The following CHRM5 variants were observed in gnomAD, a reference collection of about 807,000 sequenced individuals.
CHRM5 encodes muscarinic acetylcholine receptor M5.
A neutral mutation model predicts 39.0 loss-of-function variants in CHRM5; 18 were observed. The observed-to-expected ratio is 0.46, with a 90% confidence interval of 0.32 to 0.68. The LOEUF (loss-of-function observed/expected upper bound fraction) is 0.68. Ranked by LOEUF, CHRM5 falls within the 30% of genes least tolerant of loss-of-function variation. The pLI, the probability that CHRM5 is intolerant of heterozygous loss-of-function variation, is 0.04. For synonymous variants in CHRM5, 241 were observed against 246.3 expected (o/e 0.98, Z 0.20); for missense variants, 515 against 651.1 (o/e 0.79, Z 2.28).
intron 1 of CHRM5, among the ~76,000 whole-genome samples, chr15:34,021,184 T>C (rs1304227679): frequency 6.6e-6 from 1 of 152,182 alleles, no homozygotes; most frequent in Non-Finnish European, 1.5e-5. Context: ...AAATTGCATC[T>C]TTTTCTTTTT....
rs1896180658 is a variant in CHRM5 at position 33,982,165 on chromosome 15, CA to C, written c.-408+13016del. ...TACAGGCATGAACCACCACACCCAG[CA>C]CTAAATAAGAGTTATTTTAACACAT... is the stretch of plus-strand genomic sequence containing the variant. On this transcript the variant is annotated intron_variant, in intron 1 of 2. Coordinates refer to ENST00000383263, the MANE Select transcript of CHRM5 (RefSeq NM_012125.4). 3.9e-5 allele frequency among the ~76,000 whole-genome samples: 6 copies of C among 152,244 alleles called. No individual in the cohort carries two copies. The South Asian group carries it at 1.2e-3, about 32-fold the overall frequency.
chr15:34,032,337 T>A (rs1180847028), intron 1 of CHRM5, among the ~76,000 whole-genome samples: 1 of 152,140 alleles, frequency 6.6e-6, no homozygotes, highest in African/African-American at 2.4e-5. Context: ...ATCACTACTT[T>A]TTCTGGAAAA....
At chr15:34,007,157 C>A in intron 1 of CHRM5, 1 of 468,230 alleles carries the variant, frequency 2.1e-6, no homozygotes, top group Non-Finnish European at 2.8e-6. Context: ...TTATCTTGTC[C>A]AATGACACAC....
At chr15:34,044,096 GA>G (rs769916088) in intron 1 of CHRM5, among the ~76,000 whole-genome samples, 2,761 of 129,034 alleles carry the variant, frequency 0.021, 74 homozygotes, top group African/African-American at 0.07. Flanking sequence ...TAAAAAAAAT[GA>G]AAAAAAAAAA....
chr15:34,016,031 C>T (rs527511485), intron 1 of CHRM5, among the ~76,000 whole-genome samples: 3 of 152,298 alleles, frequency 2.0e-5, no homozygotes, highest in African/African-American at 7.2e-5. Context: ...AATCCCAGCA[C>T]TTTGGGAGGC....
In CHRM5 at chr15:34,058,730, C is replaced by T. The variant is rs1900240934; in HGVS notation, c.-75-3913C>T. Among the ~76,000 whole-genome samples the T allele has an allele frequency of 2.0e-5, 3 of 152,150 alleles. No homozygotes were observed. The South Asian group carries it at 6.2e-4, about 32-fold the overall frequency. On this transcript the variant is annotated intron_variant, in intron 2 of 2. Transcript: ENST00000383263. ...TAAAGCCAAATTCTTCTGGTCAGCT[C>T]ATCAGAACATTTATTTCACAAAATG...
chr15:34,035,982 GA>G (rs1220780749), intron 1 of CHRM5, among the ~76,000 whole-genome samples: 3 of 152,032 alleles, frequency 2.0e-5, no homozygotes, highest in African/African-American at 7.3e-5. Context: ...TTTTTATAGA[GA>G]GGGGGTCTCG....
At chr15:34,042,459 G>A (rs1238490474) in intron 1 of CHRM5, among the ~76,000 whole-genome samples, 1 of 140,466 alleles carries the variant, frequency 7.1e-6, no homozygotes, top group East Asian at 2.2e-4. Flanking sequence ...GGAGTACAAT[G>A]GCGCAATCTC....
At chr15:33,974,632 G>A (rs115608649) in intron 1 of CHRM5, among the ~76,000 whole-genome samples, 2,213 of 152,266 alleles carry the variant, frequency 0.015, 53 homozygotes, top group African/African-American at 0.05. Flanking sequence ...GCATGTGTAC[G>A]TCCTCACAGA....
chr15:34,057,303 AT>A (rs59628367), intron 2 of CHRM5, among the ~76,000 whole-genome samples: 8 of 147,246 alleles, frequency 5.4e-5, no homozygotes, highest in African/African-American at 1.5e-4. Flanking sequence ...CGCCCAGCTA[AT>A]TTTTTTTTTT....
At chr15:34,041,294 A>C (rs560662357) in intron 1 of CHRM5, among the ~76,000 whole-genome samples, 1 of 152,194 alleles carries the variant, frequency 6.6e-6, no homozygotes, top group South Asian at 2.1e-4. Context: ...GCACAGATAG[A>C]TTGGTGCAAA....
chr15:34,042,071 C>T (rs533756513), intron 1 of CHRM5, among the ~76,000 whole-genome samples: 5 of 152,284 alleles, frequency 3.3e-5, no homozygotes, highest in African/African-American at 1.2e-4. Context: ...AACAAGGATA[C>T]GGTATATGCT....
chr15:33,989,609 G>A (rs772033483), intron 1 of CHRM5, among the ~76,000 whole-genome samples: 35 of 151,860 alleles, frequency 2.3e-4, no homozygotes, highest in Non-Finnish European at 4.1e-4. Flanking sequence ...CACTACAGCC[G>A]TCCCTTTTCA....
intron 1 of CHRM5, among the ~76,000 whole-genome samples, chr15:34,041,474 A>C (rs1899475830): frequency 6.6e-6 from 1 of 152,210 alleles, no homozygotes; most frequent in Non-Finnish European, 1.5e-5. Flanking sequence ...TAGGGCTTTA[A>C]GGAACTATAT....
At chr15:33,995,889 C>CTGGAAGCGCA (rs1896912302) in intron 1 of CHRM5, among the ~76,000 whole-genome samples, 1 of 152,246 alleles carries the variant, frequency 6.6e-6, no homozygotes, top group Non-Finnish European at 1.5e-5. Context: ...CTGCCTCACC[C>CTGGAAGCGCA]TGGAAGCGCA....
At chr15:34,039,021 C>G (rs1410624797) in intron 1 of CHRM5, 1 of 1,122,826 alleles carries the variant, frequency 8.9e-7, no homozygotes, top group Non-Finnish European at 1.1e-6. Flanking sequence ...CCCACGGCCT[C>G]CCCGAGCTCC....
intron 2 of CHRM5, among the ~76,000 whole-genome samples, chr15:34,051,564 G>A (rs1160025807): frequency 3.3e-5 from 5 of 151,906 alleles, no homozygotes; most frequent in Admixed American, 1.3e-4. Context: ...CTGGTTTTTT[G>A]AAAATAGGTA....
intron 2 of CHRM5, among the ~76,000 whole-genome samples, chr15:34,061,083 T>C (rs1381304707): frequency 6.6e-6 from 1 of 152,154 alleles, no homozygotes; most frequent in Non-Finnish European, 1.5e-5. Flanking sequence ...GTGTTTGTTA[T>C]ATATCATCAA....
At chr15:33,982,114 G>C (rs557548822) in intron 1 of CHRM5, among the ~76,000 whole-genome samples, 1 of 151,462 alleles carries the variant, frequency 6.6e-6, no homozygotes, top group Non-Finnish European at 1.5e-5. Flanking sequence ...TGATCCACCC[G>C]CCTCAGCCTC....
Sources: allele counts gnomAD v4.1 joint callset (sites outside exome capture counted in the v4.1 genomes callset), GRCh38; gene constraint gnomAD v4.1.1; transcripts MANE v1.5; gene names NCBI Gene and HGNC (gene_info 2026-07-23, HGNC 2026-07-21).